SEZ6L: variants seen among roughly 807,000 people sequenced by gnomAD.
SEZ6L encodes the protein seizure related 6 homolog like.
A neutral mutation model predicts 106.2 loss-of-function variants in SEZ6L; 37 were observed. The ratio of observed to expected loss-of-function variants is 0.35; its 90% CI spans 0.27 to 0.46. The LOEUF is 0.46. SEZ6L is among the 20% of genes least tolerant of loss of function. The pLI is 1.00. For synonymous variants in SEZ6L, 541 were observed against 570.4 expected (o/e 0.95, Z 0.73); for missense variants, 1,172 against 1,332.8 (o/e 0.88, Z 1.88).
chr22:26,313,062 T>G (rs1316808751), intron 8 of SEZ6L, among the ~76,000 whole-genome samples: 4 of 152,236 alleles, frequency 2.6e-5, no homozygotes, highest in Non-Finnish European at 5.9e-5. Context: ...AATTTATTGG[T>G]GCTTTGGCCT....
At chr22:26,268,840 G>A (rs2080271596) in intron 1 of SEZ6L, among the ~76,000 whole-genome samples, 1 of 152,174 alleles carries the variant, frequency 6.6e-6, no homozygotes, top group Non-Finnish European at 1.5e-5. Flanking sequence ...AGAACCAGTG[G>A]CCTATGGAAA....
At chr22:26,261,565 G>A (rs1024130506) in intron 1 of SEZ6L, among the ~76,000 whole-genome samples, 3 of 152,164 alleles carry the variant, frequency 2.0e-5, no homozygotes, top group Admixed American at 6.5e-5. Context: ...ATGGATTCAG[G>A]AAACAGAGGG....
intron 1 of SEZ6L, among the ~76,000 whole-genome samples, chr22:26,188,355 T>C (rs1283375127): frequency 5.3e-5 from 8 of 152,228 alleles, no homozygotes; most frequent in African/African-American, 1.7e-4. Context: ...CTGCTCAGCA[T>C]GGTGTTGAAA....
chr22:26,241,884 C>T (rs1250035267), intron 1 of SEZ6L, among the ~76,000 whole-genome samples: 2 of 152,148 alleles, frequency 1.3e-5, no homozygotes, highest in African/African-American at 4.8e-5. Context: ...GGAGGACAAG[C>T]TAGGCTCCCT....
intron 9 of SEZ6L, among the ~76,000 whole-genome samples, chr22:26,322,401 G>T (rs1368337138): frequency 6.6e-6 from 1 of 152,208 alleles, no homozygotes; most frequent in East Asian, 1.9e-4. Context: ...AGGCTCCCAG[G>T]CCTGTAGGGA....
chr22:26,348,624 G>GAGAA (rs2083112090), intron 11 of SEZ6L, among the ~76,000 whole-genome samples: 21 of 29,496 alleles, frequency 7.1e-4, no homozygotes, highest in South Asian at 4.9e-3. Flanking sequence ...AAGAAAGAAA[G>GAGAA]AAAGAAAGAA....
intron 6 of SEZ6L, among the ~76,000 whole-genome samples, 193 bp from the exon 7 acceptor site, chr22:26,310,477 A>G (rs1335964530): frequency 6.6e-6 from 1 of 152,212 alleles, no homozygotes; most frequent in South Asian, 2.1e-4. Flanking sequence ...CGGAGGTTGC[A>G]GTGAGCCAAG....
rs140277626 is a variant in SEZ6L at position 26,270,525 on chromosome 22, A to G, written c.95-21881A>G. Among the ~76,000 whole-genome samples, 290 of 152,044 alleles carry G rather than the reference A, an allele frequency of 1.9e-3. 1 individual carries two copies. The highest frequency in any genetic ancestry group is 0.01 in the Middle Eastern group (3 of 294). Reference sequence around the variant, plus strand: ...CAGAGAGTGAAGCACTCCTGGAGGAAGAAACAGCATAGATATGATGGACAA... The same window carrying G: ...CAGAGAGTGAAGCACTCCTGGAGGAGGAAACAGCATAGATATGATGGACAA... On this transcript the variant is annotated intron_variant, in intron 1 of 16. Coordinates refer to ENST00000248933, the MANE Select transcript of SEZ6L (RefSeq NM_021115.5).
intron 10 of SEZ6L, among the ~76,000 whole-genome samples, chr22:26,342,026 C>T (rs563014931): frequency 5.9e-5 from 9 of 152,276 alleles, no homozygotes; most frequent in South Asian, 2.1e-4. Flanking sequence ...GGTTGCTCAT[C>T]GGGGCAGAGC....
At chr22:26,230,406 C>T (rs887119109) in intron 1 of SEZ6L, among the ~76,000 whole-genome samples, 6 of 152,146 alleles carry the variant, frequency 3.9e-5, no homozygotes, top group Non-Finnish European at 5.9e-5. Flanking sequence ...CTGGTCAGGT[C>T]GCTCAGTCAT....
At chr22:26,377,802 C>A in intron 16 of SEZ6L, 27 bp downstream of exon 16, 2 of 1,462,518 alleles carry the variant, frequency 1.4e-6, no homozygotes, top group Non-Finnish European at 1.9e-6. Flanking sequence ...CGTCTCTTCC[C>A]AATTCCCTCC....
At chr22:26,328,405 G>C (rs2082384904) in intron 9 of SEZ6L, among the ~76,000 whole-genome samples, 1 of 152,204 alleles carries the variant, frequency 6.6e-6, no homozygotes, top group Non-Finnish European at 1.5e-5. Flanking sequence ...TTACAGGTGG[G>C]AACACTGAGG....
At chr22:26,356,663 T>G (rs1250508033) in intron 12 of SEZ6L, among the ~76,000 whole-genome samples, 10 of 144,436 alleles carry the variant, frequency 6.9e-5, no homozygotes, top group Non-Finnish European at 4.5e-5. Context: ...ATAATAATAA[T>G]AATAATAATA....
rs537169996 is a variant in SEZ6L, at chr22:26,249,982, T to C, written c.95-42424T>C. Among the ~76,000 whole-genome samples the C allele has an allele frequency of 1.1e-3, 173 of 152,294 alleles. No individual in the cohort carries two copies. In the South Asian group the frequency reaches 0.035, roughly 31 times the overall value. ...TTTACATGTCTTATTTTGGGAGATG[T>C]TTATTCAGCACATTGTCACATTTTT... On this transcript the variant is annotated intron_variant, in intron 1 of 16. Coordinates refer to ENST00000248933, the MANE Select transcript of SEZ6L (RefSeq NM_021115.5).
At chr22:26,220,830 T>A (rs1432559336) in intron 1 of SEZ6L, among the ~76,000 whole-genome samples, 1 of 151,812 alleles carries the variant, frequency 6.6e-6, no homozygotes, top group East Asian at 1.9e-4. Flanking sequence ...AAAGAATGGA[T>A]GAATTGAGAG....
At chr22:26,336,305 G>A (rs1457211549) in intron 9 of SEZ6L, among the ~76,000 whole-genome samples, 3 of 152,172 alleles carry the variant, frequency 2.0e-5, no homozygotes, top group Non-Finnish European at 4.4e-5. Flanking sequence ...CCCTATGGAT[G>A]TGTTCTGCAC....
At chr22:26,302,025 A>G (rs1472927289) in intron 5 of SEZ6L, among the ~76,000 whole-genome samples, 1 of 152,192 alleles carries the variant, frequency 6.6e-6, no homozygotes, top group Non-Finnish European at 1.5e-5. Context: ...GAGTGGATCC[A>G]TGGAAATCAA....
rs951620548 is a variant in SEZ6L, at chr22:26,327,658, G to A, written c.2016-12778G>A. 7.8e-5 allele frequency among the ~76,000 whole-genome samples: 9 copies of A among 115,602 alleles called. No individual in the cohort carries two copies. The East Asian group carries it at 8.5e-4, about 11-fold the overall frequency. The allele number at this position is 115,602 out of a possible 152,430, so 75.8% of individuals were successfully genotyped here. The stretch of plus-strand genomic sequence containing the variant: ...CCACACGCACCACATGACACACCAC[G>A]CCCACACCACATGACACTACACACA... On this transcript the variant is annotated intron_variant, in intron 9 of 16. Transcript: ENST00000248933.
chr22:26,233,535 A>G lies in SEZ6L; in HGVS notation c.95-58871A>G, dbSNP rs545794681. Among the ~76,000 whole-genome samples, 9 of 152,346 alleles carry G rather than the reference A, an allele frequency of 5.9e-5. No individual in the cohort carries two copies. The South Asian group carries it at 1.7e-3, about 28-fold the overall frequency. On this transcript the variant is annotated intron_variant, in intron 1 of 16. Coordinates refer to ENST00000248933, the MANE Select transcript of SEZ6L (RefSeq NM_021115.5). The stretch of plus-strand genomic sequence containing the variant: ...GTCTATTACGCTCATTTTACAGATG[A>G]GGAAGCTGAGGCTCGAAGTCGAGCA...
Sources: gnomAD v4.1 joint callset for allele counts (sites outside exome capture counted in the v4.1 genomes callset) on GRCh38, gnomAD v4.1.1 for gene constraint, MANE v1.5 for transcripts, NCBI Gene and HGNC (gene_info 2026-07-23, HGNC 2026-07-21) for gene names.